The following PTPRD variants were observed in gnomAD, a reference collection of about 807,000 sequenced individuals.
PTPRD encodes the protein receptor-type tyrosine-protein phosphatase delta.
Under a neutral mutation model 214.5 loss-of-function variants are expected in PTPRD, and 34 were observed. The ratio of observed to expected loss-of-function variants is 0.16; its 90% CI spans 0.12 to 0.21. The LOEUF (loss-of-function observed/expected upper bound fraction) is 0.21, where lower values mean the gene tolerates loss of function less well. PTPRD is among the 10% of genes least tolerant of loss of function. The probability of loss-of-function intolerance (pLI) is 1.00; values close to 1 mark genes in which losing one functional copy is unlikely to be tolerated. For synonymous variants in PTPRD, 1,128 were observed against 845.7 expected, an observed-to-expected ratio of 1.33 and a Z score of -5.79; for missense variants, 2,545 against 2,398.7, an observed-to-expected ratio of 1.06 and a Z score of -1.27.
At chr9:8,825,356 G>T (rs993246253) in intron 11 of PTPRD, among the ~76,000 whole-genome samples, 1 of 152,104 alleles carries the variant, frequency 6.6e-6, no homozygotes, top group African/African-American at 2.4e-5. Flanking sequence ...ATTGTGTCCT[G>T]TGACAAAAGA....
chr9:10,548,285 T>C (rs1364107826), intron 2 of PTPRD, among the ~76,000 whole-genome samples: 1 of 152,192 alleles, frequency 6.6e-6, no homozygotes, highest in Non-Finnish European at 1.5e-5. Context: ...ATATAAGTTG[T>C]TGCTTTTTCT....
At chr9:10,024,971 T>C (rs929862511) in intron 4 of PTPRD, among the ~76,000 whole-genome samples, 2 of 151,964 alleles carry the variant, frequency 1.3e-5, no homozygotes, top group Admixed American at 6.6e-5. Flanking sequence ...CATCATTTTT[T>C]ATGGATGCAT....
At position 10,116,673 on chromosome 9, in the gene PTPRD, T is replaced by C. The variant is rs181394635; in HGVS notation, c.-544-82883A>G. 1.0e-3 allele frequency among the ~76,000 whole-genome samples: 154 copies of C among 152,226 alleles called. 1 individual carries two copies. Among genetic ancestry groups the C allele is most frequent in the African/African-American group, 3.6e-3 (148 of 41,562 alleles). ...CTAAAGGAATTCACAAAAGATTAAATGCACCTGTCTTAAGCAGGAGTCAGG... is the reference window on the plus strand; with the variant it reads ...CTAAAGGAATTCACAAAAGATTAAACGCACCTGTCTTAAGCAGGAGTCAGG... On this transcript the variant is annotated intron_variant, in intron 3 of 45. Transcript: ENST00000381196.
intron 11 of PTPRD, among the ~76,000 whole-genome samples, chr9:8,759,788 T>A (rs938463191): frequency 1.3e-5 from 2 of 152,182 alleles, no homozygotes; most frequent in African/African-American, 4.8e-5. Context: ...GGTCCTATAA[T>A]AAATCCTATT....
At chr9:10,572,371 C>G (rs1051460433) in intron 2 of PTPRD, among the ~76,000 whole-genome samples, 2 of 152,064 alleles carry the variant, frequency 1.3e-5, no homozygotes, top group Non-Finnish European at 2.9e-5. Flanking sequence ...ATTGTTTAAA[C>G]AAAAAGTGCA....
At chr9:9,956,468 C>A (rs2093940897) in intron 4 of PTPRD, among the ~76,000 whole-genome samples, 1 of 151,880 alleles carries the variant, frequency 6.6e-6, no homozygotes, top group Non-Finnish European at 1.5e-5. Flanking sequence ...TTAATATGTG[C>A]CTGTGGGTTT....
At chr9:9,273,707 C>A (rs1379368711) in intron 9 of PTPRD, among the ~76,000 whole-genome samples, 1 of 151,212 alleles carries the variant, frequency 6.6e-6, no homozygotes, top group Non-Finnish European at 1.5e-5. Context: ...GTTAACCTAG[C>A]TCTGAGTGAC....
chr9:10,366,793 C>T (rs1046455194), intron 2 of PTPRD, among the ~76,000 whole-genome samples: 2 of 152,000 alleles, frequency 1.3e-5, no homozygotes, highest in Admixed American at 6.6e-5. Context: ...CACATACATA[C>T]GTGCACTAAA....
intron 10 of PTPRD, among the ~76,000 whole-genome samples, chr9:9,152,606 G>A (rs1021034914): frequency 1.3e-5 from 2 of 152,178 alleles, no homozygotes; most frequent in Non-Finnish European, 2.9e-5. Flanking sequence ...TGGAGGTAGG[G>A]CTATAAATGG....
At chr9:9,195,746 A>G (rs903757886) in intron 9 of PTPRD, among the ~76,000 whole-genome samples, 2 of 151,920 alleles carry the variant, frequency 1.3e-5, no homozygotes, top group African/African-American at 4.8e-5. Flanking sequence ...TACAAAGACA[A>G]TTTTAGGAAG....
At chr9:9,542,120 T>G (rs60901505) in intron 8 of PTPRD, among the ~76,000 whole-genome samples, 35,096 of 151,304 alleles carry the variant, frequency 0.23, 4,381 homozygotes, top group Non-Finnish European at 0.26. Context: ...AAAAAGGAGA[T>G]ACTTACAGAA....
At chr9:9,792,977 C>G (rs538234468) in intron 5 of PTPRD, among the ~76,000 whole-genome samples, 1 of 152,164 alleles carries the variant, frequency 6.6e-6, no homozygotes, top group East Asian at 1.9e-4. Context: ...ATCAACACCT[C>G]TGAGAGCATA....
chr9:8,979,133 G>A (rs1452263001), intron 11 of PTPRD, among the ~76,000 whole-genome samples: 1 of 152,114 alleles, frequency 6.6e-6, no homozygotes, highest in Non-Finnish European at 1.5e-5. Flanking sequence ...CACACACCAG[G>A]CAAGCCTGAA....
At chr9:8,493,671 T>C (rs970593605) in intron 26 of PTPRD, among the ~76,000 whole-genome samples, 1 of 152,160 alleles carries the variant, frequency 6.6e-6, no homozygotes, top group Admixed American at 6.5e-5. Context: ...TTCACACACA[T>C]TAAAAAGCAG....
chr9:8,404,470 C>T (rs925674368), intron 36 of PTPRD, 67 bp downstream of exon 36: 17 of 1,546,064 alleles, frequency 1.1e-5, no homozygotes, highest in Non-Finnish European at 1.5e-5. Context: ...CTCACTAAAA[C>T]AATATTCTCA....
chr9:10,031,585 G>C (rs931636368), intron 4 of PTPRD, among the ~76,000 whole-genome samples: 2 of 144,988 alleles, frequency 1.4e-5, no homozygotes, highest in African/African-American at 2.6e-5. Flanking sequence ...CATATTGTGG[G>C]ACCTTGTGAT....
At chr9:9,948,524 G>A (rs557404298) in intron 4 of PTPRD, among the ~76,000 whole-genome samples, 1 of 152,214 alleles carries the variant, frequency 6.6e-6, no homozygotes. Flanking sequence ...GTAAAATGTA[G>A]AGATAAATTA....
chr9:9,030,349 C>G (rs1034859881), intron 10 of PTPRD, among the ~76,000 whole-genome samples: 1 of 124,118 alleles, frequency 8.1e-6, no homozygotes, highest in South Asian at 2.8e-4. Context: ...AGTAAGTATA[C>G]CTATCAAATA....
chr9:10,551,871 G>C (rs1386497383), intron 2 of PTPRD, among the ~76,000 whole-genome samples: 1 of 152,104 alleles, frequency 6.6e-6, no homozygotes, highest in Non-Finnish European at 1.5e-5. Context: ...AGAATCCTGA[G>C]ACTTGAAACA....
Sources: gnomAD v4.1 joint callset for allele counts (sites outside exome capture counted in the v4.1 genomes callset) on GRCh38, gnomAD v4.1.1 for gene constraint, MANE v1.5 for transcripts, NCBI Gene and HGNC (gene_info 2026-07-23, HGNC 2026-07-21) for gene names.